Variants in NLRP3 observed in about 807,000 individuals in gnomAD.
The protein encoded by NLRP3 is NLR family pyrin domain containing 3.
NLRP3 carries 48 observed loss-of-function variants against 91.3 expected under a neutral mutation model. That is an observed-to-expected ratio of 0.53 (90% CI 0.42 to 0.67). The LOEUF (loss-of-function observed/expected upper bound fraction) is 0.67, where lower values mean the gene tolerates loss of function less well. NLRP3 is among the 30% of genes least tolerant of loss of function. The pLI is 0.00. For missense variants in NLRP3, 982 were observed against 1,276.9 expected (o/e 0.77, Z 3.52); for synonymous variants, 561 against 507.9 (o/e 1.10, Z -1.41).
intron 2 of NLRP3, among the ~76,000 whole-genome samples, chr1:247,419,450 C>T (rs974804210): frequency 1.3e-5 from 2 of 152,068 alleles, no homozygotes; most frequent in African/African-American, 4.8e-5. Flanking sequence ...CCACCGCGCC[C>T]GGCCGTAATA....
Position 247,424,800 on chromosome 1 carries a change from C to T in NLRP3, c.1351C>T (p.Pro451Ser). ...CTTCTTCCTTTCCAGTTTGCTGCAGCCCCGGGGAGGGAGCCAGGAGCACGG... is the reference window on the plus strand; with the variant it reads ...CTTCTTCCTTTCCAGTTTGCTGCAGTCCCGGGGAGGGAGCCAGGAGCACGG... ...YVFFLSSLLQ[P>S]RGGSQEHGLC... The change falls in exon 4 of 10, where the codon CCC becomes TCC. Residue 451 changes from proline to serine, a missense_variant. Coordinates refer to ENST00000336119, the MANE Select transcript of NLRP3 (RefSeq NM_001243133.2). The surrounding 1 kb of genome is among the most constrained non-coding windows in gnomAD (Gnocchi z 8.1). The T allele has an allele frequency of 6.2e-7, 1 of 1,609,578 alleles. No homozygotes were observed. The highest frequency in any genetic ancestry group is 8.5e-7 in the Non-Finnish European group (1 of 1,180,014).
intron 2 of NLRP3, among the ~76,000 whole-genome samples, chr1:247,420,573 CG>C (rs1476982768): frequency 6.6e-6 from 1 of 151,968 alleles, no homozygotes; most frequent in East Asian, 1.9e-4. Flanking sequence ...AAAAATTAGC[CG>C]GGTGTGGTGG....
chr1:247,448,266 CTCTT>C, intron 9 of NLRP3, 135 bp from the exon 10 acceptor site: 2 of 593,470 alleles, frequency 3.4e-6, no homozygotes. Flanking sequence ...GTTGTGGTCC[CTCTT>C]TTTTTTTTTT....
chr1:247,445,508 G>T (rs1385736378), intron 9 of NLRP3, among the ~76,000 whole-genome samples: 1 of 152,106 alleles, frequency 6.6e-6, no homozygotes, highest in African/African-American at 2.4e-5. Context: ...CGGTTTCTGA[G>T]GATTTCTAAA....
At chr1:247,443,576 G>A (rs77331373) in intron 7 of NLRP3, among the ~76,000 whole-genome samples, 1,005 of 61,330 alleles carry the variant, frequency 0.016, 5 homozygotes, top group Middle Eastern at 0.042. Context: ...AAAAAAAAAA[G>A]GCCCCTGCAG....
At chr1:247,444,543 T>G in intron 8 of NLRP3, 108 bp from the exon 9 acceptor site, 1 of 1,189,886 alleles carries the variant, frequency 8.4e-7, no homozygotes, top group Non-Finnish European at 1.2e-6. Flanking sequence ...TGTGCTCCTG[T>G]GCTTTTTTTT....
At chr1:247,442,478 C>A (rs1014403925) in intron 7 of NLRP3, among the ~76,000 whole-genome samples, 3 of 152,066 alleles carry the variant, frequency 2.0e-5, no homozygotes, top group Non-Finnish European at 2.9e-5. Context: ...TAATTTGACT[C>A]AAGAATAGTA....
chr1:247,448,569 G>A lies in NLRP3; in HGVS notation c.*65G>A. 1.0e-6 allele frequency: 1 copy of A among 954,878 alleles called. No homozygotes were observed. Among genetic ancestry groups the A allele is most frequent in the Admixed American group, 1.7e-5 (1 of 58,806 alleles). The allele number at this position is 954,878 out of a possible 1,614,324, so 59.2% of individuals were successfully genotyped here. On this transcript the variant is annotated 3_prime_UTR_variant, in exon 10 of 10. Coordinates refer to ENST00000336119, the MANE Select transcript of NLRP3 (RefSeq NM_001243133.2). The stretch of plus-strand genomic sequence containing the variant: ...CCCTCCAGCTGGGGGCCCTCAGGTG[G>A]AGAGAGCTGCGATCCATCCAGGCCA...
rs780760875 is a variant in NLRP3 at position 247,425,628 on chromosome 1, C to T, written c.2150+29C>T. The T allele has an allele frequency of 1.3e-6, 2 of 1,595,680 alleles. No individual in the cohort carries two copies. Among genetic ancestry groups the T allele is most frequent in the South Asian group, 1.1e-5 (1 of 90,914 alleles). Reference sequence around the variant, plus strand: ...AGGAAACTCGGCTTCCAGGTGCTTCCTCCTGCTTCCTCGCCAGCTTCTTCT... The same window carrying T: ...AGGAAACTCGGCTTCCAGGTGCTTCTTCCTGCTTCCTCGCCAGCTTCTTCT... On this transcript the variant is annotated intron_variant, in intron 4 of 9. Transcript: ENST00000336119. The surrounding 1 kb of genome is among the most constrained non-coding windows in gnomAD (Gnocchi z 4.1).
intron 5 of NLRP3, among the ~76,000 whole-genome samples, chr1:247,432,840 G>C (rs910802220): frequency 6.6e-6 from 1 of 151,922 alleles, no homozygotes. Flanking sequence ...TGGTGGTGAC[G>C]GTGGTAGTGA....
chr1:247,444,626 T>G, intron 8 of NLRP3, 25 bp from the exon 9 acceptor site: 1 of 1,613,526 alleles, frequency 6.2e-7, no homozygotes, highest in East Asian at 2.2e-5. Flanking sequence ...GGGGACATTT[T>G]CTTTAAATCA....
chr1:247,432,920 TG>T (rs966914758), intron 5 of NLRP3, among the ~76,000 whole-genome samples: 2 of 151,988 alleles, frequency 1.3e-5, no homozygotes, highest in Non-Finnish European at 2.9e-5. Flanking sequence ...CAGCGGGATG[TG>T]GAATCCCAGC....
chr1:247,446,583 A>G (rs1358275243), intron 9 of NLRP3, among the ~76,000 whole-genome samples: 1 of 152,154 alleles, frequency 6.6e-6, no homozygotes. Flanking sequence ...TCTCCCCTTC[A>G]GTATCCACCT....
intron 7 of NLRP3, among the ~76,000 whole-genome samples, chr1:247,437,652 A>T (rs534748263): frequency 1.6e-4 from 24 of 152,348 alleles, no homozygotes; most frequent in African/African-American, 5.1e-4. Context: ...GTGGGCACTG[A>T]CAGCAGCAGT....
chr1:247,441,930 A>T (rs993156651), intron 7 of NLRP3, among the ~76,000 whole-genome samples: 1 of 152,252 alleles, frequency 6.6e-6, no homozygotes, highest in African/African-American at 2.4e-5. Context: ...CATAACTTTA[A>T]TTACATAATT....
In NLRP3 at chr1:247,446,452, G is replaced by A. The variant is rs117079589; in HGVS notation, c.3005+1631G>A. 7.2e-5 allele frequency among the ~76,000 whole-genome samples: 11 copies of A among 152,266 alleles called. No homozygotes were observed. The East Asian group carries it at 1.5e-3, about 21-fold the overall frequency. On this transcript the variant is annotated intron_variant, in intron 9 of 9. Coordinates refer to ENST00000336119, the MANE Select transcript of NLRP3 (RefSeq NM_001243133.2). ...ACATAATCCAGCCTCTCCTGCTTCC[G>A]AAGATTCCGCTTCTCCCAACCCTTG...
chr1:247,439,017 A>AATCCATCC (rs71568614), intron 7 of NLRP3, among the ~76,000 whole-genome samples: 2 of 13,534 alleles, frequency 1.5e-4, no homozygotes, highest in African/African-American at 4.3e-4. Context: ...TCCATCCGTC[A>AATCCATCC]ATCCATCCAT....
chr1:247,425,027 C>A lies in NLRP3; in HGVS notation c.1578C>A (p.Phe526Leu). Residue 526 changes from phenylalanine to leucine, a missense_variant, in exon 4 of 10, where the codon TTC becomes TTA. This residue lies in a region of NLRP3 where 548 missense variants were observed against 713.7 expected (regional missense o/e 0.77). Coordinates refer to ENST00000336119, the MANE Select transcript of NLRP3 (RefSeq NM_001243133.2). The surrounding 1 kb of genome is among the most constrained non-coding windows in gnomAD (Gnocchi z 4.1). ...TCATCCACATGACTTTCCAGGAGTTCTTTGCCGCCATGTACTACCTGCTGG... is the reference window on the plus strand; with the variant it reads ...TCATCCACATGACTTTCCAGGAGTTATTTGCCGCCATGTACTACCTGCTGG... ...YSFIHMTFQEFFAAMYYLLEE... is the reference protein window; with the variant it reads ...YSFIHMTFQELFAAMYYLLEE... The A allele has an allele frequency of 6.2e-7, 1 of 1,614,206 alleles. No homozygotes were observed. Among genetic ancestry groups the A allele is most frequent in the Non-Finnish European group, 8.5e-7 (1 of 1,180,032 alleles).
rs896417397 is a variant in NLRP3 at position 247,418,600 on chromosome 1, C to G, written c.-201C>G. 3 of 661,080 alleles carry G rather than the reference C, an allele frequency of 4.5e-6. No homozygotes were observed. In the African/African-American group the frequency reaches 5.4e-5, roughly 12 times the overall value. 41.0% of individuals were successfully genotyped at this position (661,080 alleles called of 1,614,324 possible). On this transcript the variant is annotated 5_prime_UTR_variant, in exon 2 of 10. Coordinates refer to ENST00000336119, the MANE Select transcript of NLRP3 (RefSeq NM_001243133.2). ...TACAGGCGTGAGCCACTGTGCCCGG[C>G]CTTGGCTAACTTTTCAAAATTAAAG...
Sources: allele counts gnomAD v4.1 joint callset (sites outside exome capture counted in the v4.1 genomes callset), GRCh38; gene constraint gnomAD v4.1.1; regional missense constraint gnomAD v4.1.1; non-coding constraint Gnocchi (gnomAD v3.1); transcripts MANE v1.5; gene names NCBI Gene and HGNC (gene_info 2026-07-23, HGNC 2026-07-21).